HMGA2: variants seen among roughly 807,000 people sequenced by gnomAD.
The protein encoded by HMGA2 is high mobility group AT-hook 2, also known as high mobility group protein HMGI-C.
HMGA2 carries 8 observed loss-of-function variants against 19.1 expected under a neutral mutation model. That is an observed-to-expected ratio of 0.42 (90% CI 0.25 to 0.76). The LOEUF (loss-of-function observed/expected upper bound fraction) is 0.76. Among genes scored for constraint, HMGA2 ranks in the 30% least tolerant of loss-of-function variants. HMGA2 has a pLI of 0.28. For synonymous variants in HMGA2, 60 were observed against 48.8 expected (o/e 1.23, Z -0.96); for missense variants, 109 against 136.3 (o/e 0.80, Z 1.00).
chr12:65,863,159 G>T (rs920965036), intron 3 of HMGA2, among the ~76,000 whole-genome samples: 19 of 152,154 alleles, frequency 1.2e-4, no homozygotes, highest in African/African-American at 4.6e-4. Flanking sequence ...TTCTTTTGGG[G>T]CCAGATCATT....
At chr12:65,852,450 C>A (rs567663065) in intron 3 of HMGA2, among the ~76,000 whole-genome samples, 30 of 152,114 alleles carry the variant, frequency 2.0e-4, no homozygotes, top group Non-Finnish European at 3.2e-4. Flanking sequence ...TTGCAGTGAG[C>A]TGAGATTGCA....
At chr12:65,870,092 C>T (rs953597202) in intron 3 of HMGA2, among the ~76,000 whole-genome samples, 1 of 151,484 alleles carries the variant, frequency 6.6e-6, no homozygotes, top group African/African-American at 2.4e-5. Flanking sequence ...TATGTATATA[C>T]AGGTCATTGT....
intron 3 of HMGA2, chr12:65,860,175 C>A (rs1347667674): frequency 3.2e-6 from 1 of 317,400 alleles, no homozygotes; most frequent in Admixed American, 3.3e-5. Context: ...GCCTAGCCTA[C>A]CTTAAATATG....
intron 2 of HMGA2, among the ~76,000 whole-genome samples, chr12:65,837,749 C>T (rs1003064044): frequency 1.3e-5 from 2 of 152,116 alleles, no homozygotes; most frequent in Admixed American, 1.3e-4. Context: ...TGAAGTAAAG[C>T]AATGAAATAA....
intron 3 of HMGA2, among the ~76,000 whole-genome samples, chr12:65,860,440 G>A (rs1871997665): frequency 6.6e-6 from 1 of 152,170 alleles, no homozygotes; most frequent in African/African-American, 2.4e-5. Flanking sequence ...GGCCATCATA[G>A]GTCAGGGACT....
rs889344489 is a variant in HMGA2, at chr12:65,964,002, A to C, written c.*710A>C. 1.9e-5 allele frequency: 4 copies of C among 208,004 alleles called. No homozygotes were observed. Among genetic ancestry groups the C allele is most frequent in the Non-Finnish European group, 3.9e-5 (4 of 101,992 alleles). The allele number at this position is 208,004 out of a possible 1,614,324, so 12.9% of individuals were successfully genotyped here. Reference sequence around the variant, plus strand: ...ATATTGCCAACTCTTCTATTTATGGATATCACACATATCAGCAGGAGTAAT... The same window carrying C: ...ATATTGCCAACTCTTCTATTTATGGCTATCACACATATCAGCAGGAGTAAT... On this transcript the variant is annotated 3_prime_UTR_variant, in exon 5 of 5. Transcript: ENST00000403681.
chr12:65,914,797 C>G (rs1228051091), intron 3 of HMGA2: 1 of 409,636 alleles, frequency 2.4e-6, no homozygotes, highest in East Asian at 4.8e-5. Context: ...GCCTCAGGCT[C>G]CTGAGTAGTT....
intron 3 of HMGA2, among the ~76,000 whole-genome samples, chr12:65,845,995 TG>T (rs968814272): frequency 8.5e-5 from 13 of 152,104 alleles, no homozygotes; most frequent in African/African-American, 3.1e-4. Flanking sequence ...CTCCACCAGA[TG>T]GGGGGCAGGG....
At position 65,896,142 on chromosome 12, in the gene HMGA2, T is replaced by G. The variant is rs150933195; in HGVS notation, c.250-55241T>G. 1.6e-4 allele frequency among the ~76,000 whole-genome samples: 25 copies of G among 152,294 alleles called. No individual in the cohort carries two copies. In the East Asian group the frequency reaches 4.6e-3, roughly 28 times the overall value. ...CCTTATCAGACTAATGGTTTTGGGG[T>G]TTTTGAAAAGGAATGTTTCAAGGAG... is the stretch of plus-strand genomic sequence containing the variant. On this transcript the variant is annotated intron_variant, in intron 3 of 4. Transcript: ENST00000403681.
chr12:65,882,085 C>A, intron 3 of HMGA2: 1 of 548,042 alleles, frequency 1.8e-6, no homozygotes, highest in Non-Finnish European at 3.3e-6. Flanking sequence ...GGGGAATGAG[C>A]GTGGAAACCC....
intron 3 of HMGA2, among the ~76,000 whole-genome samples, chr12:65,853,046 C>A (rs1324719676): frequency 6.6e-6 from 1 of 152,098 alleles, no homozygotes; most frequent in Non-Finnish European, 1.5e-5. Context: ...TGATCCCAGG[C>A]AGGAGAGGAC....
At chr12:65,906,836 G>T (rs1874613774) in intron 3 of HMGA2, among the ~76,000 whole-genome samples, 2 of 152,144 alleles carry the variant, frequency 1.3e-5, no homozygotes, top group Non-Finnish European at 2.9e-5. Flanking sequence ...TTCTTTGAGG[G>T]CAGAAACCAT....
intron 4 of HMGA2, among the ~76,000 whole-genome samples, chr12:65,959,861 C>T (rs1876701761): frequency 6.6e-6 from 1 of 152,098 alleles, no homozygotes; most frequent in African/African-American, 2.4e-5. Context: ...AAGCTATTGT[C>T]TATAACACAC....
At chr12:65,938,527 T>A (rs887038656) in intron 3 of HMGA2, among the ~76,000 whole-genome samples, 1 of 152,176 alleles carries the variant, frequency 6.6e-6, no homozygotes, top group Non-Finnish European at 1.5e-5. Context: ...TAAAATACAC[T>A]CATTTTCTTC....
At chr12:65,879,648 A>G (rs1306717274) in intron 3 of HMGA2, among the ~76,000 whole-genome samples, 2 of 152,224 alleles carry the variant, frequency 1.3e-5, no homozygotes, top group African/African-American at 4.8e-5. Context: ...ACAAAACTCT[A>G]CTATAATCTA....
At chr12:65,911,935 T>C (rs763053194) in intron 3 of HMGA2, among the ~76,000 whole-genome samples, 2 of 152,216 alleles carry the variant, frequency 1.3e-5, no homozygotes, top group Non-Finnish European at 2.9e-5. Context: ...GAAATGAAAC[T>C]ATGATAGTGG....
chr12:65,843,018 A>G (rs1224938169), intron 3 of HMGA2: 2 of 329,618 alleles, frequency 6.1e-6, no homozygotes, highest in Non-Finnish European at 9.8e-6. Flanking sequence ...ATCAATGGGA[A>G]CAAGTGATAC....
intron 3 of HMGA2, chr12:65,843,667 C>CACACACAA (rs1871101691): frequency 1.2e-5 from 1 of 85,086 alleles, no homozygotes; most frequent in Admixed American, 1.1e-4. Context: ...TTGCTACTTA[C>CACACACAA]ACACACACAC....
intron 3 of HMGA2, among the ~76,000 whole-genome samples, chr12:65,840,666 T>TAG (rs1870957322): frequency 6.6e-6 from 1 of 152,190 alleles, no homozygotes. Flanking sequence ...ACATATCAAA[T>TAG]AGAGATCTGC....
Sources: allele counts gnomAD v4.1 joint callset (sites outside exome capture counted in the v4.1 genomes callset), GRCh38; gene constraint gnomAD v4.1.1; transcripts MANE v1.5; gene names NCBI Gene and HGNC (gene_info 2026-07-23, HGNC 2026-07-21).